Variants in EGLN1 observed in about 807,000 individuals in gnomAD.
EGLN1 encodes the protein egl-9 family hypoxia inducible factor 1.
Under a neutral mutation model 38.3 loss-of-function variants are expected in EGLN1, and 17 were observed. The observed-to-expected ratio is 0.44, with a 90% CI of 0.30 to 0.67. The LOEUF (loss-of-function observed/expected upper bound fraction) is 0.67, where lower values mean the gene tolerates loss of function less well. Ranked by LOEUF, EGLN1 falls within the 30% of genes least tolerant of loss-of-function variation. The probability of loss-of-function intolerance (pLI) is 0.08; values close to 1 mark genes in which losing one functional copy is unlikely to be tolerated. For missense variants in EGLN1, 477 were observed against 603.3 expected (o/e 0.79, Z 2.19); for synonymous variants, 283 against 257.5 (o/e 1.10, Z -0.95).
At chr1:231,366,840 G>T (rs1687661855) in intron 4 of EGLN1, among the ~76,000 whole-genome samples, 1 of 152,198 alleles carries the variant, frequency 6.6e-6, no homozygotes, top group African/African-American at 2.4e-5. Context: ...CCATTTTTAT[G>T]TAAGGTCGAC....
At chr1:231,402,836 T>C (rs1688696129) in intron 1 of EGLN1, among the ~76,000 whole-genome samples, 1 of 151,602 alleles carries the variant, frequency 6.6e-6, no homozygotes, top group African/African-American at 2.4e-5. Context: ...AGCCATGTAT[T>C]CCAAAACCAT....
At chr1:231,389,964 A>AAAC (rs370000510) in intron 1 of EGLN1, among the ~76,000 whole-genome samples, 3 of 152,100 alleles carry the variant, frequency 2.0e-5, no homozygotes, top group East Asian at 1.9e-4. Context: ...ACAAACAAAC[A>AAAC]AACAACAACA....
chr1:231,420,939 A>T lies in EGLN1; in HGVS notation c.891+59T>A, dbSNP rs1353711766. The T allele has an allele frequency of 1.9e-6, 3 of 1,613,428 alleles. No individual in the cohort carries two copies. In the South Asian group the frequency reaches 3.3e-5, roughly 18 times the overall value. On this transcript the variant is annotated intron_variant, in intron 1 of 4. Coordinates refer to ENST00000366641, the MANE Select transcript of EGLN1 (RefSeq NM_022051.3). ...TCTCAGCCTAGGCAGTTTCAGTCGCAGGCAGGGGCTGCCCGCCGAGAAGGG... is the reference window on the plus strand; with the variant it reads ...TCTCAGCCTAGGCAGTTTCAGTCGCTGGCAGGGGCTGCCCGCCGAGAAGGG...
intron 1 of EGLN1, among the ~76,000 whole-genome samples, chr1:231,401,824 T>C (rs1464416773): frequency 2.0e-5 from 3 of 152,162 alleles, no homozygotes; most frequent in Non-Finnish European, 4.4e-5. Flanking sequence ...GATAGATACT[T>C]AGGAGTGGAA....
At chr1:231,395,776 T>C (rs1229362419) in intron 1 of EGLN1, among the ~76,000 whole-genome samples, 1 of 152,164 alleles carries the variant, frequency 6.6e-6, no homozygotes, top group Non-Finnish European at 1.5e-5. Flanking sequence ...GCATCCCCAT[T>C]GCTTGGGAGG....
intron 4 of EGLN1, 29 bp from the exon 5 acceptor site, chr1:231,366,504 A>G: frequency 1.9e-6 from 3 of 1,599,574 alleles, no homozygotes; most frequent in Non-Finnish European, 2.6e-6. Context: ...AAAAATTTTC[A>G]TTCATTCACT....
chr1:231,368,148 G>A (rs1435526831), intron 3 of EGLN1, among the ~76,000 whole-genome samples: 1 of 152,132 alleles, frequency 6.6e-6, no homozygotes, highest in Non-Finnish European at 1.5e-5. Flanking sequence ...CCGAGATCAT[G>A]CCACTGCACT....
chr1:231,411,764 C>T (rs1572049770), intron 1 of EGLN1, among the ~76,000 whole-genome samples: 1 of 151,850 alleles, frequency 6.6e-6, no homozygotes, highest in African/African-American at 2.4e-5. Context: ...TTTGGGAGGC[C>T]TAGGTGGGCG....
At chr1:231,414,030 G>T (rs1689016167) in intron 1 of EGLN1, among the ~76,000 whole-genome samples, 1 of 152,136 alleles carries the variant, frequency 6.6e-6, no homozygotes, top group Non-Finnish European at 1.5e-5. Flanking sequence ...GAAATAAACT[G>T]TTGTAAGAGA....
At chr1:231,392,699 C>A (rs538952304) in intron 1 of EGLN1, among the ~76,000 whole-genome samples, 2 of 152,312 alleles carry the variant, frequency 1.3e-5, no homozygotes, top group African/African-American at 2.4e-5. Flanking sequence ...ACTAGCATAG[C>A]ACCTGGTACC....
chr1:231,417,014 TAA>T (rs1689101543), intron 1 of EGLN1, among the ~76,000 whole-genome samples: 2 of 152,196 alleles, frequency 1.3e-5, no homozygotes, highest in African/African-American at 4.8e-5. Context: ...TTAAATAACA[TAA>T]GTTTATTTTC....
intron 1 of EGLN1, among the ~76,000 whole-genome samples, chr1:231,377,515 C>CCTAGGTAAGTA (rs1264833256): frequency 1.3e-5 from 2 of 152,182 alleles, no homozygotes; most frequent in South Asian, 4.1e-4. Context: ...GGGTTTTCAG[C>CCTAGGTAAGTA]CTAGGTAAGT....
At position 231,403,863 on chromosome 1, in the gene EGLN1, T is replaced by G. The variant is rs116339729; in HGVS notation, c.891+17135A>C. ...TAACACTACAAGTATTTAAGCTATA[T>G]TGTTATTAAATTATTCAAAGTATTG... On this transcript the variant is annotated intron_variant, in intron 1 of 4. Transcript: ENST00000366641. Among the ~76,000 whole-genome samples the G allele has an allele frequency of 4.0e-3, 610 of 151,890 alleles. 3 individuals carry two copies. Among genetic ancestry groups the G allele is most frequent in the African/African-American group, 0.014 (570 of 41,428 alleles).
rs1572014723 is a variant in EGLN1, at chr1:231,367,603, A to T, written c.1182T>A (p.Asp394Glu). Residue 394 changes from aspartate (D) to glutamate (E), a missense_variant, in exon 4 of 5, where the codon GAT becomes GAA. Transcript: ENST00000366641. The stretch of plus-strand genomic sequence containing the variant: ...ATTTTACTTTAGCTCGTGCTCTCTC[A>T]TCTGCATCAAAATACCAAACAGTTA... ...YAITVWYFDADERARAKVKYL... is the reference protein window; with the variant it reads ...YAITVWYFDAEERARAKVKYL... 2 of 1,614,090 alleles carry T rather than the reference A, an allele frequency of 1.2e-6. No homozygotes were observed. Among genetic ancestry groups the T allele is most frequent in the African/African-American group, 1.3e-5 (1 of 75,062 alleles).
chr1:231,369,651 G>A (rs893345414), intron 3 of EGLN1: 36 of 939,340 alleles, frequency 3.8e-5, no homozygotes, highest in Admixed American at 6.2e-5. Context: ...AAGAAAAAAG[G>A]CACAGCTGAT....
intron 3 of EGLN1, chr1:231,369,493 G>T: frequency 1.2e-6 from 1 of 848,660 alleles, no homozygotes; most frequent in Non-Finnish European, 1.4e-6. Flanking sequence ...ACTGGGAAGA[G>T]ACATGGGATT....
At position 231,373,887 on chromosome 1, in the gene EGLN1, G is replaced by A. The variant is rs1687891785; in HGVS notation, c.1011+93C>T. The A allele has an allele frequency of 2.2e-5, 32 of 1,460,830 alleles. 1 individual carries two copies. The South Asian group carries it at 3.5e-4, about 16-fold the overall frequency. 90.5% of individuals were successfully genotyped at this position (1,460,830 alleles called of 1,614,324 possible). On this transcript the variant is annotated intron_variant, in intron 2 of 4. Transcript: ENST00000366641. ...ATTTAAGAGGAAAATTTTTAACTGT[G>A]TCTGTGACAGTCTTATCAGAAGTAT...
Position 231,391,092 on chromosome 1 carries a change from T to TTTTGTG in EGLN1, c.892-16994_892-16993insCACAAA, listed in dbSNP as rs1553353098. Among the ~76,000 whole-genome samples, 228 of 67,350 alleles carry TTTTGTG rather than the reference T, an allele frequency of 3.4e-3. 30 individuals are homozygous for TTTTGTG. Among genetic ancestry groups the TTTTGTG allele is most frequent in the African/African-American group, 8.8e-3 (186 of 21,046 alleles). The allele number at this position is 67,350 out of a possible 152,430, so 44.2% of individuals were successfully genotyped here. A position where few individuals can be genotyped will look rare whatever the true frequency, so the allele number is the denominator to read the frequency against. ...ACAGGGAACTCATTCTGTTTTTTTT[T>TTTTGTG]TGTGTGTGTGTGTGTGTGTGTGTGT... On this transcript the variant is annotated intron_variant, in intron 1 of 4. Coordinates refer to ENST00000366641, the MANE Select transcript of EGLN1 (RefSeq NM_022051.3).
intron 1 of EGLN1, among the ~76,000 whole-genome samples, chr1:231,377,599 A>G (rs548227272): frequency 8.9e-4 from 136 of 152,338 alleles, no homozygotes; most frequent in African/African-American, 3.3e-3. Flanking sequence ...AGCATCGGGT[A>G]GGAGAGGAGT....
Sources: allele counts gnomAD v4.1 joint callset (sites outside exome capture counted in the v4.1 genomes callset), GRCh38; gene constraint gnomAD v4.1.1; transcripts MANE v1.5; gene names NCBI Gene and HGNC (gene_info 2026-07-23, HGNC 2026-07-21).